The following CCDC73 variants were observed in gnomAD, a reference collection of about 807,000 sequenced individuals.
CCDC73 encodes the protein coiled-coil domain containing 73.
Under a neutral mutation model 116.5 loss-of-function variants are expected in CCDC73, and 95 were observed. That is an observed-to-expected ratio of 0.82 (90% CI 0.69 to 0.97). The LOEUF (loss-of-function observed/expected upper bound fraction) is 0.97. Ranked by LOEUF, CCDC73 falls within the 50% of genes least tolerant of loss-of-function variation. The pLI, the probability that CCDC73 is intolerant of heterozygous loss-of-function variation, is 0.00. For synonymous variants in CCDC73, 398 were observed against 401.3 expected, an observed-to-expected ratio of 0.99 and a Z score of 0.10; for missense variants, 1,066 against 1,206.8, an observed-to-expected ratio of 0.88 and a Z score of 1.73.
At chr11:32,760,309 G>T in intron 1 of CCDC73, 51 bp from the exon 2 acceptor site, 1 of 1,073,204 alleles carries the variant, frequency 9.3e-7, no homozygotes, top group Non-Finnish European at 1.4e-6. Context: ...GGTTTTTCAA[G>T]TAAAAGCATA....
At position 32,706,012 on chromosome 11, in the gene CCDC73, G is replaced by GAAAA. The variant is rs3078271; in HGVS notation, c.208-3072_208-3069dup. ...GTCTGTACCCAGATCTATATCAGCTGAAAAAAAAAAAAAAGAATGAAAAAG... is the reference window on the plus strand; with the variant it reads ...GTCTGTACCCAGATCTATATCAGCTGAAAAAAAAAAAAAAAAAAGAATGAAAAAG... On this transcript the variant is annotated intron_variant, in intron 3 of 17. Coordinates refer to ENST00000335185, the MANE Select transcript of CCDC73 (RefSeq NM_001008391.4). Among the ~76,000 whole-genome samples, 1,341 of 135,376 alleles carry GAAAA rather than the reference G, an allele frequency of 9.9e-3. 14 individuals carry two copies. Among genetic ancestry groups the GAAAA allele is most frequent in the African/African-American group, 0.028 (1,008 of 36,352 alleles). 88.8% of individuals were successfully genotyped at this position (135,376 alleles called of 152,430 possible).
At chr11:32,766,319 G>C (rs956776095) in intron 1 of CCDC73, among the ~76,000 whole-genome samples, 2 of 152,058 alleles carry the variant, frequency 1.3e-5, no homozygotes, top group African/African-American at 4.8e-5. Flanking sequence ...AAAATAATAA[G>C]AGCTATTTAT....
At chr11:32,810,463 C>T in the CCDC73 span, among the ~76,000 whole-genome samples, 7 of 152,046 alleles carry the variant, frequency 4.6e-5, no homozygotes, top group African/African-American at 7.2e-5. Context: ...CAAAGTCACA[C>T]GATTAATTAA....
At chr11:32,797,006 C>G (rs1167971039), upstream of CCDC73, among the ~76,000 whole-genome samples, 1 of 78,266 alleles carries the variant, frequency 1.3e-5, no homozygotes, top group East Asian at 5.4e-4. Flanking sequence ...ACTGAGACTG[C>G]CTCAAAAAAA....
intron 1 of CCDC73, among the ~76,000 whole-genome samples, chr11:32,780,711 C>T (rs1258622780): frequency 1.3e-5 from 2 of 152,168 alleles, no homozygotes; most frequent in Admixed American, 6.5e-5. Context: ...GCACTTAATA[C>T]GTGCAAAACT....
intron 6 of CCDC73, among the ~76,000 whole-genome samples, chr11:32,685,266 CAAAAA>C (rs35408326): frequency 2.1e-5 from 2 of 93,466 alleles, no homozygotes; most frequent in East Asian, 3.0e-4. Context: ...AACACTGGAC[CAAAAA>C]AAAAAAAAAA....
At chr11:32,682,695 C>T (rs1359119882) in intron 7 of CCDC73, 1 of 151,240 alleles carries the variant, frequency 6.6e-6, no homozygotes, top group Non-Finnish European at 1.5e-5. Flanking sequence ...TTTGCTCAAC[C>T]AAAAACACAG....
At chr11:32,659,523 G>T (rs1391181941) in intron 9 of CCDC73, among the ~76,000 whole-genome samples, 1 of 151,996 alleles carries the variant, frequency 6.6e-6, no homozygotes, top group Non-Finnish European at 1.5e-5. Flanking sequence ...GGAGTCAGAG[G>T]AATTTATTTT....
At chr11:32,673,021 T>C (rs1227957037) in intron 9 of CCDC73, among the ~76,000 whole-genome samples, 1 of 152,172 alleles carries the variant, frequency 6.6e-6, no homozygotes, top group Non-Finnish European at 1.5e-5. Context: ...TGGCTTAGCA[T>C]TTAGAAGGTA....
intron 2 of CCDC73, among the ~76,000 whole-genome samples, chr11:32,737,230 GCTGTGTGTGTGT>G (rs1565088952): frequency 9.1e-6 from 1 of 109,920 alleles, no homozygotes; most frequent in Non-Finnish European, 1.9e-5. Flanking sequence ...ACATAGTAGG[GCTGTGTGTGTGT>G]GTGTGTGTGT....
intron 6 of CCDC73, 57 bp from the exon 7 acceptor site, chr11:32,683,631 C>T: frequency 9.7e-7 from 1 of 1,029,426 alleles, no homozygotes; most frequent in Non-Finnish European, 1.5e-6. Context: ...TACACAAATT[C>T]CTCTGATATC....
At chr11:32,762,233 C>T (rs960341872) in intron 1 of CCDC73, among the ~76,000 whole-genome samples, 5 of 152,062 alleles carry the variant, frequency 3.3e-5, no homozygotes, top group African/African-American at 7.2e-5. Context: ...CTAAAAATAA[C>T]TAAAAATTCT....
chr11:32,796,267 A>C (rs1288673942), upstream of CCDC73, among the ~76,000 whole-genome samples: 7 of 152,242 alleles, frequency 4.6e-5, no homozygotes, highest in African/African-American at 1.7e-4. Flanking sequence ...TGCTTACCAG[A>C]ATCTAGCACA....
intron 1 of CCDC73, among the ~76,000 whole-genome samples, chr11:32,775,538 C>A (rs1269717260): frequency 6.6e-6 from 1 of 152,094 alleles, no homozygotes; most frequent in Non-Finnish European, 1.5e-5. Flanking sequence ...TTTGTGAGGT[C>A]AAAATCTCTT....
intron 7 of CCDC73, among the ~76,000 whole-genome samples, chr11:32,678,909 T>TAC (rs1239710719): frequency 0.013 from 1,964 of 149,496 alleles, 42 homozygotes; most frequent in African/African-American, 0.04. Context: ...TATATATATA[T>TAC]ACACACACAC....
At chr11:32,635,886 T>G in intron 13 of CCDC73, 56 bp from the exon 14 acceptor site, 1 of 984,430 alleles carries the variant, frequency 1.0e-6, no homozygotes, top group Non-Finnish European at 1.3e-6. Context: ...AAATATGTTT[T>G]GTCTGAAAAT....
intron 3 of CCDC73, among the ~76,000 whole-genome samples, chr11:32,714,228 A>G (rs10767955): frequency 0.59 from 89,559 of 151,844 alleles, 26,722 homozygotes; most frequent in East Asian, 0.84. Flanking sequence ...AACTTCCATG[A>G]CCAAGAAGGT....
intron 14 of CCDC73, among the ~76,000 whole-genome samples, chr11:32,632,410 G>T (rs1404446311): frequency 6.6e-6 from 1 of 152,108 alleles, no homozygotes; most frequent in Non-Finnish European, 1.5e-5. Flanking sequence ...TATTTTAATA[G>T]AGGCGGGCTT....
intron 13 of CCDC73, among the ~76,000 whole-genome samples, chr11:32,638,885 C>G (rs564108572): frequency 2.6e-5 from 4 of 151,842 alleles, no homozygotes; most frequent in African/African-American, 9.7e-5. Context: ...CAGTGGCTCA[C>G]GCCTGTAATC....
Sources: allele counts gnomAD v4.1 joint callset (sites outside exome capture counted in the v4.1 genomes callset), GRCh38; gene constraint gnomAD v4.1.1; transcripts MANE v1.5; gene names NCBI Gene and HGNC (gene_info 2026-07-23, HGNC 2026-07-21).